The following XRN2 variants were observed in gnomAD, a reference collection of about 807,000 sequenced individuals.
XRN2 encodes DHM1-like protein.
In XRN2, 44 loss-of-function variants were observed where a neutral mutation model predicts 138.5. That is an observed-to-expected ratio of 0.32 (90% CI 0.25 to 0.41). The LOEUF (loss-of-function observed/expected upper bound fraction) is 0.41, where lower values mean the gene tolerates loss of function less well. XRN2 is among the 10% of genes least tolerant of loss of function. XRN2 has a pLI of 1.00. For missense variants in XRN2, 937 were observed against 1,169.3 expected (o/e 0.80, Z 2.90); for synonymous variants, 354 against 369.4 (o/e 0.96, Z 0.48).
At chr20:21,328,530 G>A in intron 3 of XRN2, 29 bp from the exon 4 acceptor site, 1 of 1,588,160 alleles carries the variant, frequency 6.3e-7, no homozygotes, top group East Asian at 2.2e-5. Context: ...ATTTTGATGA[G>A]TGTTATGGAA....
At position 21,370,836 on chromosome 20, in the gene XRN2, T is replaced by C. The variant is rs534178021; in HGVS notation, c.2584+2246T>C. 3.9e-5 allele frequency among the ~76,000 whole-genome samples: 6 copies of C among 152,364 alleles called. No individual in the cohort carries two copies. The South Asian group carries it at 1.0e-3, about 26-fold the overall frequency. On this transcript the variant is annotated intron_variant, in intron 27 of 29. Coordinates refer to ENST00000377191, the MANE Select transcript of XRN2 (RefSeq NM_012255.5). Reference sequence around the variant, plus strand: ...ATGTTATTTTTGAGCTCCATTGTTATGCCCATTTATCAAAGAATTGTAAGT... The same window carrying C: ...ATGTTATTTTTGAGCTCCATTGTTACGCCCATTTATCAAAGAATTGTAAGT...
chr20:21,372,569 T>G (rs1179442463), intron 27 of XRN2, among the ~76,000 whole-genome samples: 2 of 152,214 alleles, frequency 1.3e-5, no homozygotes, highest in Non-Finnish European at 2.9e-5. Flanking sequence ...AAAACACCCA[T>G]AATTCCACAG....
At chr20:21,330,760 A>T (rs190951556) in intron 6 of XRN2, 55 bp downstream of exon 6, 2 of 1,474,904 alleles carry the variant, frequency 1.4e-6, no homozygotes, top group Non-Finnish European at 1.9e-6. Context: ...TCGAGGCTGT[A>T]CTTTGATATG....
intron 1 of XRN2, among the ~76,000 whole-genome samples, chr20:21,324,673 G>A (rs544519694): frequency 6.5e-4 from 99 of 152,026 alleles, no homozygotes; most frequent in African/African-American, 2.0e-3. Context: ...TTACTCTGTC[G>A]CCCAGGCTGG....
Position 21,332,277 on chromosome 20 carries a change from TG to T in XRN2, c.701-5del. The T allele has an allele frequency of 6.2e-7, 1 of 1,607,698 alleles. No individual in the cohort carries two copies. The highest frequency in any genetic ancestry group is 8.5e-7 in the Non-Finnish European group (1 of 1,177,860). ...GTTCGATGTTTTTCTCATTGTTGATTGATAGCTGATCTCATTATGCTTGGCC... is the reference window on the plus strand; with the variant it reads ...GTTCGATGTTTTTCTCATTGTTGATTATAGCTGATCTCATTATGCTTGGCC... On this transcript the variant is annotated splice_polypyrimidine_tract_variant and splice_region_variant and intron_variant, in intron 8 of 29. Transcript: ENST00000377191.
At chr20:21,357,602 T>A in intron 23 of XRN2, 134 bp from the exon 24 acceptor site, 1 of 589,534 alleles carries the variant, frequency 1.7e-6, no homozygotes, top group Non-Finnish European at 2.7e-6. Flanking sequence ...ATATAAATGG[T>A]TTTTATTGTT....
At chr20:21,366,964 A>T (rs986646843) in intron 26 of XRN2, among the ~76,000 whole-genome samples, 2 of 152,160 alleles carry the variant, frequency 1.3e-5, no homozygotes, top group African/African-American at 4.8e-5. Flanking sequence ...TTTACCCGCA[A>T]GAAAGTTTTA....
chr20:21,364,004 T>C (rs1181883766), intron 24 of XRN2, among the ~76,000 whole-genome samples: 1 of 152,154 alleles, frequency 6.6e-6, no homozygotes, highest in Admixed American at 6.5e-5. Context: ...TGGTCTTGGC[T>C]CACTGCGACC....
At chr20:21,344,507 G>T (rs1228150310) in intron 16 of XRN2, among the ~76,000 whole-genome samples, 1 of 152,124 alleles carries the variant, frequency 6.6e-6, no homozygotes, top group African/African-American at 2.4e-5. Flanking sequence ...GTTTAGCTCT[G>T]ACTATGTGAT....
chr20:21,378,671 A>G (rs989552883), intron 27 of XRN2, among the ~76,000 whole-genome samples: 4 of 152,246 alleles, frequency 2.6e-5, no homozygotes, highest in Non-Finnish European at 5.9e-5. Flanking sequence ...AGAATTTTGA[A>G]CTTTAAAATT....
In XRN2 at chr20:21,303,363, C is replaced by T. The variant is rs746529311; in HGVS notation, c.-36C>T. On this transcript the variant is annotated 5_prime_UTR_variant, in exon 1 of 30. Transcript: ENST00000377191. Reference sequence around the variant, plus strand: ...CTCCCGTCTCTTTGGTTACGCTCGTCAGCCGGTCGGCCGCCGCCTCCAGCC... The same window carrying T: ...CTCCCGTCTCTTTGGTTACGCTCGTTAGCCGGTCGGCCGCCGCCTCCAGCC... 7.1e-6 allele frequency: 11 copies of T among 1,541,452 alleles called. No individual in the cohort carries two copies. The South Asian group carries it at 1.2e-4, about 17-fold the overall frequency.
At chr20:21,385,780 T>G (rs1488305150) in intron 28 of XRN2, among the ~76,000 whole-genome samples, 1 of 152,190 alleles carries the variant, frequency 6.6e-6, no homozygotes, top group African/African-American at 2.4e-5. Flanking sequence ...AGCGCCGGGC[T>G]TTTTTCCCCT....
intron 22 of XRN2, 43 bp downstream of exon 22, chr20:21,356,220 A>G (rs1345855290): frequency 9.2e-6 from 14 of 1,526,812 alleles, no homozygotes; most frequent in Non-Finnish European, 1.2e-5. Flanking sequence ...ACTTTTTAAA[A>G]TTTTGGTAAA....
intron 28 of XRN2, among the ~76,000 whole-genome samples, chr20:21,383,069 G>C (rs1308220142): frequency 6.6e-6 from 1 of 152,134 alleles, no homozygotes; most frequent in Non-Finnish European, 1.5e-5. Flanking sequence ...ACTCTTTAGA[G>C]ACTCCAGAAC....
chr20:21,378,487 G>T (rs1012932215), intron 27 of XRN2, among the ~76,000 whole-genome samples: 2 of 152,208 alleles, frequency 1.3e-5, no homozygotes, highest in Non-Finnish European at 2.9e-5. Flanking sequence ...CCTCTGACAG[G>T]TTTGGTCATT....
chr20:21,373,616 T>C (rs1317034888), intron 27 of XRN2, among the ~76,000 whole-genome samples: 1 of 152,252 alleles, frequency 6.6e-6, no homozygotes, highest in East Asian at 1.9e-4. Context: ...GAGTTCTGGT[T>C]GCTTCATGTT....
chr20:21,344,066 CTGTA>C lies in XRN2; in HGVS notation c.1411-23_1411-20del. 6.5e-7 allele frequency: 1 copy of C among 1,527,138 alleles called. No individual in the cohort carries two copies. Among genetic ancestry groups the C allele is most frequent in the Non-Finnish European group, 9.1e-7 (1 of 1,103,212 alleles). 94.6% of individuals were successfully genotyped at this position (1,527,138 alleles called of 1,614,324 possible). A position where few individuals can be genotyped will look rare whatever the true frequency, so the allele number is the denominator to read the frequency against. ...TAAAATGAATAATGAAATCCTTCTT[CTGTA>C]ATGTCATCATTGTCTGCAGAGTCCT... On this transcript the variant is annotated intron_variant, in intron 15 of 29. Coordinates refer to ENST00000377191, the MANE Select transcript of XRN2 (RefSeq NM_012255.5).
chr20:21,348,190 A>G lies in XRN2; in HGVS notation c.1710A>G (p.Pro570=), dbSNP rs748061372. The G allele has an allele frequency of 7.4e-6, 12 of 1,613,920 alleles. No individual in the cohort carries two copies. The South Asian group carries it at 7.7e-5, about 10-fold the overall frequency. ...WKWYYPFHYA[P]FASDFEGIAD... is the part of the protein sequence containing the mutation. ...GGTATTATCCATTTCATTATGCACC[A>G]TTTGCTTCAGACTTTGAAGGCATTG... Residue 570 remains proline (P), a synonymous_variant, in exon 18 of 30, where the codon CCA becomes CCG. Coordinates refer to ENST00000377191, the MANE Select transcript of XRN2 (RefSeq NM_012255.5).
chr20:21,339,377 A>G (rs763507644), intron 14 of XRN2, among the ~76,000 whole-genome samples: 17 of 152,190 alleles, frequency 1.1e-4, no homozygotes, highest in Non-Finnish European at 2.2e-4. Flanking sequence ...AAAATGGTCA[A>G]TATTTTGTAT....
Sources: allele counts gnomAD v4.1 joint callset (sites outside exome capture counted in the v4.1 genomes callset), GRCh38; gene constraint gnomAD v4.1.1; transcripts MANE v1.5; gene names NCBI Gene and HGNC (gene_info 2026-07-23, HGNC 2026-07-21).